Variants in CAMTA1 observed in about 807,000 individuals in gnomAD.
CAMTA1 encodes calmodulin-binding transcription activator 1.
In CAMTA1, 27 loss-of-function variants were observed where a neutral mutation model predicts 170.9. The observed-to-expected ratio is 0.16, with a 90% CI of 0.12 to 0.22. The LOEUF (loss-of-function observed/expected upper bound fraction) is 0.22. Ranked by LOEUF, CAMTA1 falls within the 10% of genes least tolerant of loss-of-function variation. The pLI, the probability that CAMTA1 is intolerant of heterozygous loss-of-function variation, is 1.00. For missense variants in CAMTA1, 1,619 were observed against 2,217.2 expected, an observed-to-expected ratio of 0.73 and a Z score of 5.42; for synonymous variants, 833 against 891.5, an observed-to-expected ratio of 0.93 and a Z score of 1.17.
intron 4 of CAMTA1, among the ~76,000 whole-genome samples, chr1:7,110,283 T>C (rs559709230): frequency 2.0e-3 from 297 of 144,880 alleles, no homozygotes; most frequent in African/African-American, 6.8e-3. Flanking sequence ...CCTTCCCCCC[T>C]TTTTTTTTAA....
intron 6 of CAMTA1, among the ~76,000 whole-genome samples, chr1:7,478,306 G>A (rs560374524): frequency 1.3e-5 from 2 of 152,196 alleles, no homozygotes; most frequent in Non-Finnish European, 2.9e-5. Flanking sequence ...CACTTGTTCC[G>A]CAGCCTCAGG....
intron 5 of CAMTA1, among the ~76,000 whole-genome samples, chr1:7,326,673 T>C (rs74052675): frequency 2.0e-5 from 3 of 152,040 alleles, no homozygotes; most frequent in Non-Finnish European, 4.4e-5. Context: ...AAGAAAAGAT[T>C]CTCCCTCACA....
At chr1:7,358,068 AG>A (rs992275518) in intron 5 of CAMTA1, among the ~76,000 whole-genome samples, 1 of 151,954 alleles carries the variant, frequency 6.6e-6, no homozygotes, top group Non-Finnish European at 1.5e-5. Context: ...ATCTTTGTGG[AG>A]GGGGGGAATG....
rs2092949443 is a variant in CAMTA1, at chr1:7,456,220, G to A, written c.439-11610G>A. Among the ~76,000 whole-genome samples the A allele has an allele frequency of 6.8e-6, 1 of 146,916 alleles. No homozygotes were observed. On this transcript the variant is annotated intron_variant, in intron 5 of 22. Transcript: ENST00000303635. The surrounding 1 kb of genome is among the most constrained non-coding windows in gnomAD (Gnocchi z 4.9). ...TGGGAGGGAGGGAGGAAGAATGGGA[G>A]AGAGGGAGGGAGAGAAGGAGGGAGG...
rs1466968713 is a variant in CAMTA1 at position 7,609,755 on chromosome 1, C to T, written c.511-30645C>T. Among the ~76,000 whole-genome samples, 2 of 152,238 alleles carry T rather than the reference C, an allele frequency of 1.3e-5. No homozygotes were observed. Among genetic ancestry groups the T allele is most frequent in the Admixed American group, 1.3e-4 (2 of 15,290 alleles). ...GGTCACTTTGCTTCTCTGAGCCTCT[C>T]TTTCCTGTCTGCAAAGCCAGGTGGG... On this transcript the variant is annotated intron_variant, in intron 6 of 22. Coordinates refer to ENST00000303635, the MANE Select transcript of CAMTA1 (RefSeq NM_015215.4). The surrounding 1 kb of genome is among the most constrained non-coding windows in gnomAD (Gnocchi z 4.4).
chr1:7,758,490 A>G (rs1431757419), intron 22 of CAMTA1, among the ~76,000 whole-genome samples: 2 of 152,178 alleles, frequency 1.3e-5, no homozygotes, highest in Non-Finnish European at 2.9e-5. Context: ...ATGGCTTTGT[A>G]TGATTGCCAA....
At chr1:7,467,694 G>C in intron 5 of CAMTA1, 136 bp from the exon 6 acceptor site, 1 of 811,200 alleles carries the variant, frequency 1.2e-6, no homozygotes, top group South Asian at 1.3e-5. Flanking sequence ...GGAGCCAGAC[G>C]CAGAGGTGCC....
chr1:7,196,394 C>T (rs562252594), intron 4 of CAMTA1, among the ~76,000 whole-genome samples: 16 of 152,296 alleles, frequency 1.1e-4, no homozygotes, highest in Admixed American at 9.1e-4. Context: ...CAGACTAATA[C>T]AGTATGTGTG....
At chr1:7,636,504 G>T (rs1488620415) in intron 6 of CAMTA1, among the ~76,000 whole-genome samples, 1 of 152,152 alleles carries the variant, frequency 6.6e-6, no homozygotes, top group East Asian at 1.9e-4. Flanking sequence ...ATCACCTGAG[G>T]TCAGGAGTTC....
At chr1:7,329,843 A>C (rs904720541) in intron 5 of CAMTA1, among the ~76,000 whole-genome samples, 1 of 152,192 alleles carries the variant, frequency 6.6e-6, no homozygotes, top group Non-Finnish European at 1.5e-5. Flanking sequence ...TTATCCCAAC[A>C]CAAAGAGGGT....
chr1:7,553,999 G>A (rs2094843689), intron 6 of CAMTA1, among the ~76,000 whole-genome samples: 1 of 152,170 alleles, frequency 6.6e-6, no homozygotes, highest in African/African-American at 2.4e-5. Context: ...AAAGTGATGG[G>A]TTCTGGACTC....
At position 7,738,270 on chromosome 1, in the gene CAMTA1, A is replaced by C; in HGVS notation, c.3970A>C (p.Lys1324Gln). ...GSQPVGKWNS[K>Q]DLYIGVSTVQ... The stretch of plus-strand genomic sequence containing the variant: ...TCAGCCTGTAGGAAAGTGGAATTCC[A>C]AAGATCTTTACATTGGTGTGTCTAC... The change falls in exon 16 of 23, where the codon AAA becomes CAA. Residue 1324 changes from lysine (K) to glutamine (Q), a missense_variant. Lys to Gln is a moderately conservative substitution (Grantham distance 53). Transcript: ENST00000303635. This position sits in a 1 kb window ranked among gnomAD's most constrained non-coding sequence, Gnocchi z 4.9. The C allele has an allele frequency of 6.2e-7, 1 of 1,614,114 alleles. No homozygotes were observed. The highest frequency in any genetic ancestry group is 8.5e-7 in the Non-Finnish European group (1 of 1,180,024).
At position 7,636,001 on chromosome 1, in the gene CAMTA1, G is replaced by A. The variant is rs991548504; in HGVS notation, c.511-4399G>A. Among the ~76,000 whole-genome samples the A allele has an allele frequency of 6.2e-4, 95 of 152,310 alleles. 1 individual carries two copies. The highest frequency in any genetic ancestry group is 1.9e-4 in the East Asian group (1 of 5,170). The stretch of plus-strand genomic sequence containing the variant: ...GGCATTCCAGGTGCAAGAGCTCCAG[G>A]CCCTGGGATGGAAACCGGGAAGCTG... On this transcript the variant is annotated intron_variant, in intron 6 of 22. Transcript: ENST00000303635.
At chr1:7,196,630 GGA>G (rs1337273019) in intron 4 of CAMTA1, among the ~76,000 whole-genome samples, 2 of 152,236 alleles carry the variant, frequency 1.3e-5, no homozygotes, top group Non-Finnish European at 2.9e-5. Context: ...AAATCAGACA[GGA>G]TTCCCTTGGG....
chr1:6,835,208 AATGTT>A (rs1363303695), intron 3 of CAMTA1, among the ~76,000 whole-genome samples: 7 of 152,220 alleles, frequency 4.6e-5, no homozygotes, highest in Non-Finnish European at 7.3e-5. Context: ...GCTTTTAAGA[AATGTT>A]AAGGTGCAAA....
intron 5 of CAMTA1, among the ~76,000 whole-genome samples, chr1:7,458,223 G>T (rs1397602626): frequency 6.6e-6 from 1 of 152,196 alleles, no homozygotes; most frequent in Admixed American, 6.5e-5. Flanking sequence ...GTGTGCACCA[G>T]GGCTTCTGAT....
intron 3 of CAMTA1, among the ~76,000 whole-genome samples, chr1:7,088,783 C>T (rs910960668): frequency 2.0e-5 from 3 of 152,206 alleles, no homozygotes; most frequent in African/African-American, 7.2e-5. Flanking sequence ...GGGGTTCCAG[C>T]TGGCACAGCC....
At chr1:7,207,883 T>C (rs1361788483) in intron 4 of CAMTA1, among the ~76,000 whole-genome samples, 1 of 152,228 alleles carries the variant, frequency 6.6e-6, no homozygotes, top group Non-Finnish European at 1.5e-5. Context: ...TCACCTCAGG[T>C]CCAGGGATGT....
At chr1:7,347,095 A>G (rs2084278287) in intron 5 of CAMTA1, among the ~76,000 whole-genome samples, 1 of 152,168 alleles carries the variant, frequency 6.6e-6, no homozygotes, top group African/African-American at 2.4e-5. Context: ...ATTCTGAGCT[A>G]TTTATGGTCA....
Sources: gnomAD v4.1 joint callset for allele counts (sites outside exome capture counted in the v4.1 genomes callset) on GRCh38, gnomAD v4.1.1 for gene constraint, Gnocchi (gnomAD v3.1) non-coding constraint, MANE v1.5 for transcripts, NCBI Gene and HGNC (gene_info 2026-07-23, HGNC 2026-07-21) for gene names.